The following CLIP4 variants were observed in gnomAD, a reference collection of about 807,000 sequenced individuals.
The protein encoded by CLIP4 is CAP-Gly domain containing linker protein family member 4.
A neutral mutation model predicts 73.1 loss-of-function variants in CLIP4; 47 were observed. The ratio of observed to expected loss-of-function variants is 0.64; its 90% CI spans 0.51 to 0.82. The LOEUF (loss-of-function observed/expected upper bound fraction) is 0.82, where lower values mean the gene tolerates loss of function less well. Among genes scored for constraint, CLIP4 ranks in the 40% least tolerant of loss-of-function variants. The pLI, the probability that CLIP4 is intolerant of heterozygous loss-of-function variation, is 0.00. For missense variants in CLIP4, 874 were observed against 852.9 expected, an observed-to-expected ratio of 1.02 and a Z score of -0.31; for synonymous variants, 306 against 295.4, an observed-to-expected ratio of 1.04 and a Z score of -0.37.
At chr2:29,130,088 T>A in intron 2 of CLIP4, 1 of 471,078 alleles carries the variant, frequency 2.1e-6, no homozygotes, top group Non-Finnish European at 4.4e-6. Flanking sequence ...TGGAGAGTTC[T>A]ACACAGAAGG....
At chr2:29,099,385 G>T (rs184109065) in intron 1 of CLIP4, among the ~76,000 whole-genome samples, 4 of 148,436 alleles carry the variant, frequency 2.7e-5, no homozygotes, top group South Asian at 2.1e-4. Flanking sequence ...TTTGTAAAAG[G>T]TGTAAGATCT....
At position 29,167,479 on chromosome 2, in the gene CLIP4, A is replaced by G; in HGVS notation, c.1662A>G (p.Val554=). Reference sequence around the variant, plus strand: ...ATGTCCTTTGTTTTATTCATAGAGTAACAGATTCCCTGGATACCCTTTCAG... The same window carrying G: ...ATGTCCTTTGTTTTATTCATAGAGTGACAGATTCCCTGGATACCCTTTCAG... The part of the protein sequence containing the change: ...IFAPPSRVQR[V]TDSLDTLSEI... Residue 554 remains valine, a synonymous_variant, in exon 14 of 16, where the codon GTA becomes GTG. Coordinates refer to ENST00000320081, the MANE Select transcript of CLIP4 (RefSeq NM_024692.6). The G allele has an allele frequency of 1.2e-6, 2 of 1,606,190 alleles. No homozygotes were observed. Among genetic ancestry groups the G allele is most frequent in the South Asian group, 1.1e-5 (1 of 89,548 alleles).
chr2:29,105,301 T>C (rs1168158792), intron 1 of CLIP4, among the ~76,000 whole-genome samples: 1 of 152,224 alleles, frequency 6.6e-6, no homozygotes, highest in Non-Finnish European at 1.5e-5. Context: ...CTAAGTTGAA[T>C]TGGTAAAAGA....
intron 8 of CLIP4, among the ~76,000 whole-genome samples, chr2:29,151,803 G>A (rs1338983799): frequency 6.6e-6 from 1 of 150,384 alleles, no homozygotes; most frequent in East Asian, 1.9e-4. Flanking sequence ...AAATATCTTA[G>A]CCAGATTATT....
chr2:29,146,902 C>T (rs1410769809), intron 8 of CLIP4, among the ~76,000 whole-genome samples: 1 of 152,160 alleles, frequency 6.6e-6, no homozygotes, highest in Non-Finnish European at 1.5e-5. Context: ...CAGATGAGAG[C>T]TGTTGGCTAT....
chr2:29,146,181 G>A (rs1410734921), intron 8 of CLIP4, among the ~76,000 whole-genome samples: 1 of 152,190 alleles, frequency 6.6e-6, no homozygotes, highest in Non-Finnish European at 1.5e-5. Context: ...CTGTTGGGCT[G>A]CCCTTGATTC....
intron 6 of CLIP4, among the ~76,000 whole-genome samples, chr2:29,136,416 C>T (rs1198377973): frequency 6.6e-6 from 1 of 152,046 alleles, no homozygotes; most frequent in Non-Finnish European, 1.5e-5. Flanking sequence ...TTGATTACCC[C>T]CCAACTTTTA....
chr2:29,163,794 G>T, intron 12 of CLIP4, 37 bp from the exon 13 acceptor site: 1 of 1,597,006 alleles, frequency 6.3e-7, no homozygotes, highest in Non-Finnish European at 8.5e-7. Flanking sequence ...TTTGGATAAA[G>T]TACAGATGCT....
chr2:29,105,059 A>G (rs1219340179), intron 1 of CLIP4, among the ~76,000 whole-genome samples: 3 of 152,236 alleles, frequency 2.0e-5, no homozygotes, highest in African/African-American at 7.2e-5. Context: ...ATTACATAAT[A>G]ACCAAGTGGT....
chr2:29,099,819 C>T (rs768441755), intron 1 of CLIP4, among the ~76,000 whole-genome samples: 1 of 152,180 alleles, frequency 6.6e-6, no homozygotes, highest in African/African-American at 2.4e-5. Flanking sequence ...GTCTTCTGAT[C>T]CACAAACATG....
At chr2:29,126,926 T>C (rs1664645930) in intron 2 of CLIP4, among the ~76,000 whole-genome samples, 1 of 152,220 alleles carries the variant, frequency 6.6e-6, no homozygotes, top group Non-Finnish European at 1.5e-5. Flanking sequence ...GTGCAGTTTA[T>C]AGGTGGACAG....
intron 15 of CLIP4, among the ~76,000 whole-genome samples, chr2:29,179,622 G>A (rs1195043757): frequency 6.6e-6 from 1 of 152,172 alleles, no homozygotes; most frequent in African/African-American, 2.4e-5. Context: ...GATAACGTAT[G>A]TGAAGTGTTA....
chr2:29,136,954 T>TA (rs749401171), intron 6 of CLIP4, among the ~76,000 whole-genome samples: 67 of 143,306 alleles, frequency 4.7e-4, no homozygotes, highest in South Asian at 1.1e-3. Flanking sequence ...AATAACTACT[T>TA]AAAAAAAAAA....
intron 3 of CLIP4, 140 bp from the exon 4 acceptor site, chr2:29,132,012 A>G (rs1409201767): frequency 7.0e-6 from 4 of 568,188 alleles, no homozygotes; most frequent in Non-Finnish European, 1.2e-5. Context: ...ATTTACCCTT[A>G]AGATATGCTC....
At chr2:29,153,494 T>C (rs912641144) in intron 9 of CLIP4, among the ~76,000 whole-genome samples, 4 of 129,686 alleles carry the variant, frequency 3.1e-5, no homozygotes, top group Non-Finnish European at 6.8e-5. Context: ...TAACTTTGTA[T>C]GTGCTTTTTT....
chr2:29,153,306 G>A (rs1267702097), intron 9 of CLIP4, among the ~76,000 whole-genome samples: 2 of 152,030 alleles, frequency 1.3e-5, no homozygotes, highest in South Asian at 2.1e-4. Flanking sequence ...GGAAGAGAAC[G>A]GTTTATCGTA....
intron 1 of CLIP4, among the ~76,000 whole-genome samples, chr2:29,117,616 G>A (rs1389616072): frequency 2.0e-5 from 3 of 152,238 alleles, no homozygotes; most frequent in African/African-American, 7.2e-5. Flanking sequence ...ACAGGCATGA[G>A]CCACTGCACC....
intron 2 of CLIP4, chr2:29,130,122 ACTT>A (rs1664870071): frequency 8.5e-6 from 4 of 469,402 alleles, no homozygotes; most frequent in South Asian, 6.2e-5. Flanking sequence ...TTCAAAAGAG[ACTT>A]ACTCTAGAAC....
At chr2:29,160,980 A>G (rs1357887498) in intron 12 of CLIP4, among the ~76,000 whole-genome samples, 3 of 148,150 alleles carry the variant, frequency 2.0e-5, no homozygotes, top group African/African-American at 7.4e-5. Flanking sequence ...ATTACTTTCT[A>G]TTTTTTTTTT....
Sources: gnomAD v4.1 joint callset for allele counts (sites outside exome capture counted in the v4.1 genomes callset) on GRCh38, gnomAD v4.1.1 for gene constraint, MANE v1.5 for transcripts, NCBI Gene and HGNC (gene_info 2026-07-23, HGNC 2026-07-21) for gene names.